NTNG1: variants seen among roughly 807,000 people sequenced by gnomAD.
The protein encoded by NTNG1 is netrin G1.
Under a neutral mutation model 54.0 loss-of-function variants are expected in NTNG1, and 16 were observed. The observed-to-expected ratio is 0.30, with a 90% CI of 0.20 to 0.45. The LOEUF (loss-of-function observed/expected upper bound fraction) is 0.45, where lower values mean the gene tolerates loss of function less well. NTNG1 is among the 20% of genes least tolerant of loss of function. The probability of loss-of-function intolerance (pLI) is 1.00; values close to 1 mark genes in which losing one functional copy is unlikely to be tolerated. For synonymous variants in NTNG1, 255 were observed against 263.1 expected (o/e 0.97, Z 0.30); for missense variants, 530 against 678.7 (o/e 0.78, Z 2.43).
chr1:107,207,007 G>T (rs1659245608), intron 2 of NTNG1, among the ~76,000 whole-genome samples: 1 of 152,138 alleles, frequency 6.6e-6, no homozygotes. Context: ...TTTCTGCCTA[G>T]TAATTTTCTA....
In NTNG1 at chr1:107,480,834, G is replaced by A. The variant is rs1469593044; in HGVS notation, c.1614G>A (p.Val538=). 3.9e-6 allele frequency: 6 copies of A among 1,558,116 alleles called. 1 individual carries two copies. The South Asian group carries it at 7.1e-5, about 18-fold the overall frequency. The change falls in exon 8 of 8, where the codon GTG becomes GTA. Residue 538 remains valine (V), a synonymous_variant. Transcript: ENST00000370068. ...TGCTGGGAACCGCCAGCCCCCTGGTGTTCTAGGTGTCACCTCCAGCCACAC... is the reference window on the plus strand; with the variant it reads ...TGCTGGGAACCGCCAGCCCCCTGGTATTCTAGGTGTCACCTCCAGCCACAC... ...TTLLGTASPL[V]F
intron 3 of NTNG1, among the ~76,000 whole-genome samples, chr1:107,337,953 A>T (rs1017674477): frequency 6.6e-6 from 1 of 151,454 alleles, no homozygotes; most frequent in African/African-American, 2.4e-5. Context: ...TGAAGCACAG[A>T]GAGCAAGGGA....
At chr1:107,361,391 A>ATATATATATATATAT (rs370815306) in intron 3 of NTNG1, among the ~76,000 whole-genome samples, 2 of 88,000 alleles carry the variant, frequency 2.3e-5, no homozygotes, top group South Asian at 8.0e-4. Context: ...ATATATATAT[A>ATATATATATATATAT]TTTTTTTTTT....
intron 7 of NTNG1, among the ~76,000 whole-genome samples, chr1:107,459,203 T>C (rs1234371661): frequency 6.6e-6 from 1 of 152,196 alleles, no homozygotes; most frequent in Non-Finnish European, 1.5e-5. Context: ...ATATGCATAT[T>C]GTTCAAAAAG....
intron 7 of NTNG1, among the ~76,000 whole-genome samples, chr1:107,447,730 A>T (rs1676393082): frequency 6.6e-6 from 1 of 152,050 alleles, no homozygotes; most frequent in Non-Finnish European, 1.5e-5. Flanking sequence ...ATGAGATGAG[A>T]TCATACTCTA....
At chr1:107,304,272 G>A (rs1218085326) in intron 2 of NTNG1, among the ~76,000 whole-genome samples, 5 of 150,442 alleles carry the variant, frequency 3.3e-5, no homozygotes, top group Admixed American at 1.3e-4. Flanking sequence ...TCATTTTTTG[G>A]AGGTCAGATT....
At chr1:107,219,675 T>C (rs984873955) in intron 2 of NTNG1, among the ~76,000 whole-genome samples, 1 of 152,142 alleles carries the variant, frequency 6.6e-6, no homozygotes, top group African/African-American at 2.4e-5. Context: ...TGTAGTGATT[T>C]AGCCACCCAG....
intron 3 of NTNG1, among the ~76,000 whole-genome samples, chr1:107,326,330 G>T (rs116012812): frequency 1.5e-3 from 231 of 152,226 alleles, no homozygotes; most frequent in African/African-American, 5.2e-3. Flanking sequence ...TGTTGAACTT[G>T]TGAGTTCTAA....
chr1:107,480,844 T>G lies in NTNG1; in HGVS notation c.*4T>G, dbSNP rs1327779725. On this transcript the variant is annotated 3_prime_UTR_variant, in exon 8 of 8. Coordinates refer to ENST00000370068, the MANE Select transcript of NTNG1 (RefSeq NM_001113226.3). The stretch of plus-strand genomic sequence containing the variant: ...CGCCAGCCCCCTGGTGTTCTAGGTG[T>G]CACCTCCAGCCACACCGGACGGGCC... 6.4e-7 allele frequency: 1 copy of G among 1,552,180 alleles called. No individual in the cohort carries two copies. Among genetic ancestry groups the G allele is most frequent in the South Asian group, 1.2e-5 (1 of 84,476 alleles).
intron 5 of NTNG1, among the ~76,000 whole-genome samples, chr1:107,414,762 CT>C (rs2101193200): frequency 6.6e-6 from 1 of 152,248 alleles, no homozygotes; most frequent in South Asian, 2.1e-4. Flanking sequence ...CAAATATTAA[CT>C]CATTCTGTCT....
At chr1:107,380,054 G>A (rs1410037695) in intron 3 of NTNG1, among the ~76,000 whole-genome samples, 3 of 152,184 alleles carry the variant, frequency 2.0e-5, no homozygotes, top group Middle Eastern at 3.2e-3. Context: ...GCATGTTAAG[G>A]CAAAAGGCAG....
At chr1:107,263,594 A>G (rs930420103) in intron 2 of NTNG1, among the ~76,000 whole-genome samples, 3 of 152,284 alleles carry the variant, frequency 2.0e-5, no homozygotes, top group South Asian at 2.1e-4. Context: ...AGCTCTTTTC[A>G]TCTATGCTAA....
At chr1:107,452,346 T>C (rs1441514453) in intron 7 of NTNG1, among the ~76,000 whole-genome samples, 1 of 152,184 alleles carries the variant, frequency 6.6e-6, no homozygotes, top group Non-Finnish European at 1.5e-5. Flanking sequence ...ATTATGTGTG[T>C]CTATCAAGGA....
At chr1:107,407,617 A>C in intron 4 of NTNG1, 65 bp from the exon 5 acceptor site, 1 of 1,295,514 alleles carries the variant, frequency 7.7e-7, no homozygotes, top group Non-Finnish European at 1.1e-6. Flanking sequence ...TTTTATATTA[A>C]GTTAAAGATG....
chr1:107,441,851 T>C lies in NTNG1; in HGVS notation c.1390+5052T>C, dbSNP rs191169272. Among the ~76,000 whole-genome samples, 374 of 152,110 alleles carry C rather than the reference T, an allele frequency of 2.5e-3. 1 individual carries two copies. Among genetic ancestry groups the C allele is most frequent in the African/African-American group, 8.8e-3 (364 of 41,534 alleles). On this transcript the variant is annotated intron_variant, in intron 7 of 7. Coordinates refer to ENST00000370068, the MANE Select transcript of NTNG1 (RefSeq NM_001113226.3). ...GAAAAAGATATGCAATGATAAAACA[T>C]ATTCAAAAGAAATATTTAAAAGGAT...
At chr1:107,449,456 G>A (rs1388988729) in intron 7 of NTNG1, among the ~76,000 whole-genome samples, 8 of 151,866 alleles carry the variant, frequency 5.3e-5, no homozygotes, top group East Asian at 1.9e-4. Context: ...TAATCCAGCC[G>A]TGAATTGACT....
At chr1:107,426,419 A>G (rs1408109125) in intron 5 of NTNG1, among the ~76,000 whole-genome samples, 1 of 152,056 alleles carries the variant, frequency 6.6e-6, no homozygotes, top group Non-Finnish European at 1.5e-5. Flanking sequence ...TGTTTATTGA[A>G]TAGGGTGCTT....
At chr1:107,334,658 A>C (rs189847864) in intron 3 of NTNG1, among the ~76,000 whole-genome samples, 1 of 151,858 alleles carries the variant, frequency 6.6e-6, no homozygotes, top group East Asian at 1.9e-4. Flanking sequence ...CCTTTTTCAG[A>C]TGTGAAACAG....
rs565867740 is a variant in NTNG1, at chr1:107,184,452, G to A, written c.246+35613G>A. 2.0e-5 allele frequency among the ~76,000 whole-genome samples: 3 copies of A among 152,194 alleles called. No individual in the cohort carries two copies. In the South Asian group the frequency reaches 6.2e-4, roughly 32 times the overall value. On this transcript the variant is annotated intron_variant, in intron 2 of 7. Coordinates refer to ENST00000370068, the MANE Select transcript of NTNG1 (RefSeq NM_001113226.3). ...GTAAATGGCCGGTTGTTGCCACTGA[G>A]TAGTTTTCTCACCCTGCTTCCTGCC...
Sources: allele counts gnomAD v4.1 joint callset (sites outside exome capture counted in the v4.1 genomes callset), GRCh38; gene constraint gnomAD v4.1.1; transcripts MANE v1.5; gene names NCBI Gene and HGNC (gene_info 2026-07-23, HGNC 2026-07-21).